Variants in TRIM69 observed in about 807,000 individuals in gnomAD.
TRIM69 encodes tripartite motif containing 69.
Under a neutral mutation model 37.7 loss-of-function variants are expected in TRIM69, and 29 were observed. The observed-to-expected ratio is 0.77, with a 90% CI of 0.57 to 1.05. The LOEUF is 1.05. Among genes scored for constraint, TRIM69 ranks in the 50% least tolerant of loss-of-function variants. The pLI is 0.00. For missense variants in TRIM69, 596 were observed against 579.9 expected, an observed-to-expected ratio of 1.03 and a Z score of -0.28; for synonymous variants, 209 against 212.4, an observed-to-expected ratio of 0.98 and a Z score of 0.14.
intron 1 of TRIM69, among the ~76,000 whole-genome samples, chr15:44,740,815 G>A (rs2087266101): frequency 6.6e-6 from 1 of 151,842 alleles, no homozygotes; most frequent in African/African-American, 2.4e-5. Context: ...GATTCATAAA[G>A]CAAGTCCTGA....
At chr15:44,760,786 T>C (rs2087758029) in intron 6 of TRIM69, among the ~76,000 whole-genome samples, 2 of 152,212 alleles carry the variant, frequency 1.3e-5, no homozygotes, top group African/African-American at 2.4e-5. Flanking sequence ...ATCAATCTCT[T>C]CCTTCTACTC....
intron 1 of TRIM69, among the ~76,000 whole-genome samples, chr15:44,746,047 G>GTAAGA (rs57997940): frequency 0.78 from 117,490 of 150,466 alleles, 46,308 homozygotes; most frequent in Middle Eastern, 0.85. Context: ...CAAACTCTAT[G>GTAAGA]TAAGTTAACA....
Position 44,736,722 on chromosome 15 carries a change from T to C in TRIM69, c.6+12T>C. ...GAAGCTTCATGGAGGTGAGTGACCC[T>C]TTTTTTTTTTAACTTAGCAGGGCTT... On this transcript the variant is annotated intron_variant, in intron 1 of 6. Transcript: ENST00000329464. 3 of 863,394 alleles carry C rather than the reference T, an allele frequency of 3.5e-6. No individual in the cohort carries two copies. Among genetic ancestry groups the C allele is most frequent in the African/African-American group, 5.6e-5 (1 of 18,006 alleles). The allele number at this position is 863,394 out of a possible 1,614,324, so 53.5% of individuals were successfully genotyped here. A position where few individuals can be genotyped will look rare whatever the true frequency, so the allele number is the denominator to read the frequency against.
chr15:44,750,449 G>A (rs1238110521), intron 1 of TRIM69, among the ~76,000 whole-genome samples: 2 of 151,996 alleles, frequency 1.3e-5, no homozygotes, highest in African/African-American at 4.8e-5. Context: ...CAGATTTTCT[G>A]TTTCTTCTTG....
At chr15:44,753,315 A>T (rs2087574109) in intron 1 of TRIM69, 1 of 152,190 alleles carries the variant, frequency 6.6e-6, no homozygotes, top group Non-Finnish European at 1.5e-5. Context: ...ATTAAAAAAA[A>T]GTAGAAACAG....
intron 3 of TRIM69, chr15:44,758,409 C>A: frequency 1.4e-6 from 1 of 709,576 alleles, no homozygotes; most frequent in Non-Finnish European, 2.3e-6. Flanking sequence ...GTCACTTTTG[C>A]CTATTTCATC....
At chr15:44,754,658 T>C (rs2087604681) in intron 1 of TRIM69, 1 of 470,832 alleles carries the variant, frequency 2.1e-6, no homozygotes, top group Non-Finnish European at 3.7e-6. Flanking sequence ...TACAACAAAG[T>C]ACATTTCTTT....
chr15:44,736,623 T>C lies in TRIM69; in HGVS notation c.-82T>C. ...CATTCCTTGAAAACTAAAAGGTCCC[T>C]GACTCCCAGTCTGCAGCCATCCTGG... On this transcript the variant is annotated 5_prime_UTR_variant, in exon 1 of 7. Transcript: ENST00000329464. The C allele has an allele frequency of 6.4e-7, 1 of 1,555,856 alleles. No individual in the cohort carries two copies. Among genetic ancestry groups the C allele is most frequent in the South Asian group, 1.2e-5 (1 of 85,362 alleles).
At chr15:44,750,739 T>TGAGACAGAGTCTCACTCTG (rs2087504529) in intron 1 of TRIM69, among the ~76,000 whole-genome samples, 1 of 80,546 alleles carries the variant, frequency 1.2e-5, no homozygotes, top group South Asian at 4.2e-4. Context: ...TTTTTTTTTT[T>TGAGACAGAGTCTCACTCTG]TTTGAGACGG....
At chr15:44,741,469 A>G (rs1443443175) in intron 1 of TRIM69, among the ~76,000 whole-genome samples, 3 of 152,238 alleles carry the variant, frequency 2.0e-5, no homozygotes, top group Non-Finnish European at 4.4e-5. Flanking sequence ...CTAAAATCAG[A>G]GCAGAACTGA....
intron 3 of TRIM69, 55 bp downstream of exon 3, chr15:44,756,518 A>C (rs1427858411): frequency 8.3e-7 from 1 of 1,206,956 alleles, no homozygotes; most frequent in African/African-American, 1.5e-5. Context: ...CCCTCCATGT[A>C]ACTTCAGCTA....
rs547765735 is a variant in TRIM69, at chr15:44,761,321, A to G, written c.961+1449A>G. ...CCAGTTGATGGACATGGGGTAGTCCATGGTAGTTTTATCCATCCTGCAATT... is the reference window on the plus strand; with the variant it reads ...CCAGTTGATGGACATGGGGTAGTCCGTGGTAGTTTTATCCATCCTGCAATT... On this transcript the variant is annotated intron_variant, in intron 6 of 6. Coordinates refer to ENST00000329464, the MANE Select transcript of TRIM69 (RefSeq NM_182985.5). 5.3e-5 allele frequency among the ~76,000 whole-genome samples: 8 copies of G among 152,330 alleles called. No homozygotes were observed. In the South Asian group the frequency reaches 1.7e-3, roughly 32 times the overall value.
chr15:44,744,473 G>A (rs2087360941), intron 1 of TRIM69, among the ~76,000 whole-genome samples: 1 of 151,784 alleles, frequency 6.6e-6, no homozygotes, highest in Non-Finnish European at 1.5e-5. Context: ...AAAAAAAATG[G>A]TGGAGTAGAG....
intron 1 of TRIM69, among the ~76,000 whole-genome samples, chr15:44,750,546 C>T (rs892375591): frequency 6.6e-5 from 10 of 152,058 alleles, no homozygotes; most frequent in African/African-American, 2.4e-4. Flanking sequence ...TTCATAGTTT[C>T]TTATAATCCT....
intron 1 of TRIM69, among the ~76,000 whole-genome samples, chr15:44,739,516 A>G (rs1490377113): frequency 1.3e-5 from 2 of 152,086 alleles, no homozygotes; most frequent in Non-Finnish European, 2.9e-5. Flanking sequence ...AAATTGGGTC[A>G]CTCCCACCCT....
At chr15:44,765,175 G>A (rs2087859473) in intron 6 of TRIM69, among the ~76,000 whole-genome samples, 1 of 152,200 alleles carries the variant, frequency 6.6e-6, no homozygotes. Flanking sequence ...TGAAGGTGGA[G>A]CTGACAGAAC....
intron 1 of TRIM69, chr15:44,753,247 G>A (rs747620885): frequency 1.7e-4 from 26 of 151,800 alleles, no homozygotes; most frequent in Admixed American, 3.3e-4. Context: ...TGTTTATCTG[G>A]GAATGTCTTA....
At chr15:44,740,278 G>A (rs939005875) in intron 1 of TRIM69, among the ~76,000 whole-genome samples, 1 of 152,196 alleles carries the variant, frequency 6.6e-6, no homozygotes, top group Middle Eastern at 3.4e-3. Context: ...GCAAAGATGG[G>A]GAAAAAACAG....
chr15:44,758,877 T>G, intron 4 of TRIM69, 23 bp downstream of exon 4: 1 of 1,598,288 alleles, frequency 6.3e-7, no homozygotes. Context: ...ACCAATATGA[T>G]TATGGGTACC....
Sources: gnomAD v4.1 joint callset for allele counts (sites outside exome capture counted in the v4.1 genomes callset) on GRCh38, gnomAD v4.1.1 for gene constraint, MANE v1.5 for transcripts, NCBI Gene and HGNC (gene_info 2026-07-23, HGNC 2026-07-21) for gene names.